Variants in DPP6 observed in about 807,000 individuals in gnomAD.
DPP6 encodes the protein dipeptidyl peptidase like 6.
DPP6 carries 69 observed loss-of-function variants against 122.6 expected under a neutral mutation model. That is an observed-to-expected ratio of 0.56 (90% CI 0.46 to 0.69). DPP6 has a LOEUF of 0.69. Among genes scored for constraint, DPP6 ranks in the 30% least tolerant of loss-of-function variants. DPP6 has a pLI of 0.00. For synonymous variants in DPP6, 418 were observed against 433.1 expected, an observed-to-expected ratio of 0.97 and a Z score of 0.43; for missense variants, 928 against 1,116.9, an observed-to-expected ratio of 0.83 and a Z score of 2.41.
At chr7:154,060,944 C>A (rs939211938) in intron 1 of DPP6, among the ~76,000 whole-genome samples, 2 of 147,288 alleles carry the variant, frequency 1.4e-5, no homozygotes, top group Non-Finnish European at 3.1e-5. Context: ...GCATAGGACC[C>A]CCATCGTTGA....
chr7:154,269,824 ATC>A (rs1803673727), intron 1 of DPP6, among the ~76,000 whole-genome samples: 1 of 152,206 alleles, frequency 6.6e-6, no homozygotes, highest in African/African-American at 2.4e-5. Context: ...AAATTTGGAA[ATC>A]TACATTGTCA....
At chr7:154,405,380 T>C (rs948954756) in intron 1 of DPP6, among the ~76,000 whole-genome samples, 3 of 152,178 alleles carry the variant, frequency 2.0e-5, no homozygotes, top group African/African-American at 7.2e-5. Context: ...CATGTACTGG[T>C]GTTTTGCTTG....
intron 2 of DPP6, among the ~76,000 whole-genome samples, chr7:154,471,183 G>A (rs533800968): frequency 6.6e-6 from 1 of 152,120 alleles, no homozygotes; most frequent in Non-Finnish European, 1.5e-5. Context: ...TGTTGGAGGC[G>A]GAGGTTGCAG....
chr7:153,991,291 T>C (rs1158027910), intron 1 of DPP6, among the ~76,000 whole-genome samples: 2 of 152,178 alleles, frequency 1.3e-5, no homozygotes, highest in East Asian at 1.9e-4. Flanking sequence ...ATATATCTTT[T>C]AGAGTGATCT....
intron 1 of DPP6, among the ~76,000 whole-genome samples, chr7:154,313,729 G>A (rs10247818): frequency 0.49 from 28,802 of 58,790 alleles, 11,109 homozygotes; most frequent in African/African-American, 0.66. Flanking sequence ...ACACACGCAC[G>A]CACACACACA....
chr7:154,106,009 A>C (rs1244264132), intron 1 of DPP6, among the ~76,000 whole-genome samples: 2 of 151,588 alleles, frequency 1.3e-5, no homozygotes, highest in Admixed American at 6.6e-5. Flanking sequence ...TGACCTATGG[A>C]ACGGTATAAC....
intron 1 of DPP6, among the ~76,000 whole-genome samples, chr7:154,393,839 A>G (rs1814840834): frequency 1.3e-5 from 2 of 151,944 alleles, no homozygotes; most frequent in African/African-American, 4.8e-5. Context: ...CCACCATCCA[A>G]TGTTCTGTCT....
rs539780405 is a variant in DPP6 at position 154,637,351 on chromosome 7, A to T, written c.628-470A>T. On this transcript the variant is annotated intron_variant, in intron 5 of 25. Coordinates refer to ENST00000377770, the MANE Select transcript of DPP6 (RefSeq NM_130797.4). The stretch of plus-strand genomic sequence containing the variant: ...GTACAGGGGGTCAAAAGTGTGCCCA[A>T]TTAAGCCTGCCTTGACTTCAATATT... Among the ~76,000 whole-genome samples the T allele has an allele frequency of 2.0e-5, 3 of 152,334 alleles. No individual in the cohort carries two copies. The East Asian group carries it at 5.8e-4, about 29-fold the overall frequency.
At chr7:154,007,460 T>TA (rs1168750341) in intron 1 of DPP6, among the ~76,000 whole-genome samples, 2 of 151,950 alleles carry the variant, frequency 1.3e-5, no homozygotes, top group Non-Finnish European at 1.5e-5. Flanking sequence ...ACCTACATTT[T>TA]AAAAAAAATT....
the DPP6 span, among the ~76,000 whole-genome samples, chr7:153,843,437 G>C: frequency 6.6e-6 from 1 of 152,140 alleles, no homozygotes; most frequent in Admixed American, 6.5e-5. Flanking sequence ...ATGCAACGGG[G>C]CTCTCTCTTT....
chr7:153,814,638 G>A, the DPP6 span, among the ~76,000 whole-genome samples: 17 of 152,178 alleles, frequency 1.1e-4, no homozygotes, highest in South Asian at 2.1e-4. Flanking sequence ...TACCAAAGCC[G>A]GGCAGAGACA....
intron 6 of DPP6, among the ~76,000 whole-genome samples, chr7:154,649,454 C>A (rs1266725996): frequency 6.6e-6 from 1 of 152,138 alleles, no homozygotes; most frequent in Non-Finnish European, 1.5e-5. Context: ...CTAAAGTGCC[C>A]AACTGTCTTC....
At chr7:154,891,681 G>T (rs555166597) in intron 25 of DPP6, among the ~76,000 whole-genome samples, 6 of 152,220 alleles carry the variant, frequency 3.9e-5, no homozygotes, top group Non-Finnish European at 8.8e-5. Context: ...CGCCTCCTGG[G>T]TTCAAGTGAT....
At chr7:153,937,257 G>A (rs1286642475) in intron 1 of DPP6, among the ~76,000 whole-genome samples, 14 of 152,168 alleles carry the variant, frequency 9.2e-5, no homozygotes, top group Admixed American at 9.2e-4. Flanking sequence ...AGGTGGGGCT[G>A]TAAGATTACG....
intron 1 of DPP6, among the ~76,000 whole-genome samples, chr7:154,293,137 T>C (rs1250984741): frequency 6.6e-6 from 1 of 152,220 alleles, no homozygotes; most frequent in African/African-American, 2.4e-5. Context: ...CTGAGGTCTA[T>C]TTCCTAATGA....
chr7:154,149,356 T>C (rs1237247357), intron 1 of DPP6, among the ~76,000 whole-genome samples: 6 of 152,016 alleles, frequency 3.9e-5, no homozygotes, highest in Admixed American at 3.9e-4. Context: ...GGCTGCTGGA[T>C]GGGGAATTGC....
At chr7:154,322,311 T>G (rs1201937048) in intron 1 of DPP6, among the ~76,000 whole-genome samples, 1 of 152,198 alleles carries the variant, frequency 6.6e-6, no homozygotes, top group South Asian at 2.1e-4. Flanking sequence ...TGTAGAAGCT[T>G]GTTCTCCATT....
intron 10 of DPP6, among the ~76,000 whole-genome samples, chr7:154,783,473 C>A (rs1525754): frequency 3.0e-4 from 46 of 152,210 alleles, no homozygotes; most frequent in African/African-American, 9.9e-4. Context: ...GGGTCAGTGG[C>A]GTGTGGCATT....
At chr7:154,539,648 A>G (rs1466753661) in intron 3 of DPP6, among the ~76,000 whole-genome samples, 1 of 152,184 alleles carries the variant, frequency 6.6e-6, no homozygotes, top group Non-Finnish European at 1.5e-5. Flanking sequence ...AAGAAAAAAA[A>G]AAGGCATAAA....
Sources: gnomAD v4.1 joint callset for allele counts (sites outside exome capture counted in the v4.1 genomes callset) on GRCh38, gnomAD v4.1.1 for gene constraint, MANE v1.5 for transcripts, NCBI Gene and HGNC (gene_info 2026-07-23, HGNC 2026-07-21) for gene names.